The following ARL15 variants were observed in gnomAD, a reference collection of about 807,000 sequenced individuals.
The protein encoded by ARL15 is ARF like GTPase 15.
ARL15 carries 19 observed loss-of-function variants against 25.2 expected under a neutral mutation model. The observed-to-expected ratio is 0.75, with a 90% confidence interval of 0.53 to 1.10. The LOEUF (loss-of-function observed/expected upper bound fraction) is 1.10. Ranked by LOEUF, ARL15 falls within the 50% of genes least tolerant of loss-of-function variation. The pLI is 0.00. For missense variants in ARL15, 220 were observed against 246.0 expected (o/e 0.89, Z 0.71); for synonymous variants, 94 against 86.8 (o/e 1.08, Z -0.46).
At chr5:54,001,329 C>T (rs182231087) in intron 4 of ARL15, among the ~76,000 whole-genome samples, 1 of 152,300 alleles carries the variant, frequency 6.6e-6, no homozygotes, top group East Asian at 1.9e-4. Flanking sequence ...ATCCTAGTGC[C>T]TAACAGAGTG....
At chr5:54,181,520 C>A (rs1295435024) in intron 1 of ARL15, among the ~76,000 whole-genome samples, 1 of 152,128 alleles carries the variant, frequency 6.6e-6, no homozygotes, top group African/African-American at 2.4e-5. Flanking sequence ...ATTACCTGAA[C>A]AGAACATTTC....
rs190766071 is a variant in ARL15 at position 54,303,167 on chromosome 5, G to C, written c.48+7265C>G. 1.3e-4 allele frequency among the ~76,000 whole-genome samples: 20 copies of C among 152,158 alleles called. 1 individual carries two copies. The highest frequency in any genetic ancestry group is 4.8e-4 in the African/African-American group (20 of 41,514). On this transcript the variant is annotated intron_variant, in intron 1 of 4. Transcript: ENST00000504924. The stretch of plus-strand genomic sequence containing the variant: ...CTGCTTATGGCCTAGTATCTATTGG[G>C]AACAGCTGACTTCCCAGGCAGTGCG...
chr5:54,190,949 T>G (rs1029703515), intron 1 of ARL15, among the ~76,000 whole-genome samples: 1 of 152,180 alleles, frequency 6.6e-6, no homozygotes, highest in African/African-American at 2.4e-5. Flanking sequence ...AATAATGCCA[T>G]GTCTGGATAT....
At chr5:53,984,010 C>T (rs1028269073) in intron 4 of ARL15, among the ~76,000 whole-genome samples, 2 of 152,312 alleles carry the variant, frequency 1.3e-5, no homozygotes, top group African/African-American at 4.8e-5. Context: ...AAGGTCCACC[C>T]GGGCTATGTG....
chr5:53,890,385 A>G (rs1479429727), intron 4 of ARL15, among the ~76,000 whole-genome samples: 1 of 152,206 alleles, frequency 6.6e-6, no homozygotes, highest in Non-Finnish European at 1.5e-5. Flanking sequence ...CAATTTTTTA[A>G]GGCCATTTAC....
At chr5:54,209,754 A>G (rs1755984264) in intron 1 of ARL15, among the ~76,000 whole-genome samples, 1 of 152,100 alleles carries the variant, frequency 6.6e-6, no homozygotes, top group East Asian at 1.9e-4. Context: ...GACATGCTGT[A>G]TAAAGAGACT....
At chr5:53,899,693 T>C (rs72763132) in intron 4 of ARL15, among the ~76,000 whole-genome samples, 13,544 of 152,252 alleles carry the variant, frequency 0.089, 748 homozygotes, top group Non-Finnish European at 0.13. Flanking sequence ...TTTCCTTGTT[T>C]TCTTATCTAG....
chr5:54,092,073 C>CACACACACACACACACACACA lies in ARL15; in HGVS notation c.462+21128_462+21129insTGTGTGTGTGTGTGTGTGTGT, dbSNP rs143647206. Among the ~76,000 whole-genome samples the CACACACACACACACACACACA allele has an allele frequency of 8.7e-3, 1,309 of 149,646 alleles. 4 individuals are homozygous for CACACACACACACACACACACA. Among genetic ancestry groups the CACACACACACACACACACACA allele is most frequent in the Non-Finnish European group, 0.014 (911 of 67,238 alleles). On this transcript the variant is annotated intron_variant, in intron 4 of 4. Transcript: ENST00000504924. ...ACACACACACACACACACACACACA[C>CACACACACACACACACACACA]CACCACCACCACCACCATCACCAGG... is the stretch of plus-strand genomic sequence containing the variant.
In ARL15 at chr5:54,193,057, C is replaced by T. The variant is rs117134463; in HGVS notation, c.49-21129G>A. On this transcript the variant is annotated intron_variant, in intron 1 of 4. Transcript: ENST00000504924. Reference sequence around the variant, plus strand: ...CTTCTGAATCCCATATCTGCTTCAACGTCCTGCTCTGGAGAGCCAAACTAG... The same window carrying T: ...CTTCTGAATCCCATATCTGCTTCAATGTCCTGCTCTGGAGAGCCAAACTAG... Among the ~76,000 whole-genome samples, 59 of 152,302 alleles carry T rather than the reference C, an allele frequency of 3.9e-4. 2 individuals carry two copies. The East Asian group carries it at 9.1e-3, about 23-fold the overall frequency.
chr5:54,025,969 G>A lies in ARL15; in HGVS notation c.462+87233C>T, dbSNP rs377036601. The stretch of plus-strand genomic sequence containing the variant: ...ATAATAGCCTCTACCAAGAAGCAGA[G>A]GGCTTGATGGGATAATTTCTAAAAA... On this transcript the variant is annotated intron_variant, in intron 4 of 4. Coordinates refer to ENST00000504924, the MANE Select transcript of ARL15 (RefSeq NM_019087.3). 2.0e-5 allele frequency among the ~76,000 whole-genome samples: 3 copies of A among 152,244 alleles called. No homozygotes were observed. In the East Asian group the frequency reaches 5.8e-4, roughly 29 times the overall value.
intron 3 of ARL15, among the ~76,000 whole-genome samples, chr5:54,122,300 A>G (rs1753104371): frequency 6.6e-6 from 1 of 152,240 alleles, no homozygotes; most frequent in East Asian, 1.9e-4. Flanking sequence ...ATGTTCTTTC[A>G]GTACAGGTGT....
intron 4 of ARL15, among the ~76,000 whole-genome samples, chr5:54,066,494 C>T (rs1751237588): frequency 6.6e-6 from 1 of 152,092 alleles, no homozygotes; most frequent in African/African-American, 2.4e-5. Flanking sequence ...GTAAAAGGAT[C>T]TATATATCAT....
chr5:54,281,322 T>C (rs1195253181), intron 1 of ARL15, among the ~76,000 whole-genome samples: 1 of 152,054 alleles, frequency 6.6e-6, no homozygotes, highest in Non-Finnish European at 1.5e-5. Flanking sequence ...GTATTTTTGG[T>C]AGAGACAGGG....
intron 3 of ARL15, among the ~76,000 whole-genome samples, chr5:54,142,468 T>C (rs1396855491): frequency 6.6e-6 from 1 of 152,050 alleles, no homozygotes; most frequent in Non-Finnish European, 1.5e-5. Context: ...AAAGTAAAGA[T>C]CAGTCAGAAA....
chr5:54,043,205 CT>C (rs34940501), intron 4 of ARL15, among the ~76,000 whole-genome samples: 101,851 of 149,904 alleles, frequency 0.68, 34,568 homozygotes, highest in East Asian at 0.85. Flanking sequence ...ACACATGCCT[CT>C]TTTTTTTTTT....
chr5:53,961,411 T>C (rs952593877), intron 4 of ARL15, among the ~76,000 whole-genome samples: 15 of 148,626 alleles, frequency 1.0e-4, no homozygotes, highest in Non-Finnish European at 4.4e-5. Flanking sequence ...GGCAGGAGAA[T>C]TGCTTGAGCC....
At chr5:53,902,494 T>C (rs1416622348) in intron 4 of ARL15, among the ~76,000 whole-genome samples, 2 of 152,240 alleles carry the variant, frequency 1.3e-5, no homozygotes, top group Admixed American at 1.3e-4. Flanking sequence ...ATATGTCCCC[T>C]GTCTCAATCT....
chr5:53,972,326 A>G (rs1747781272), intron 4 of ARL15, among the ~76,000 whole-genome samples: 1 of 152,194 alleles, frequency 6.6e-6, no homozygotes, highest in African/African-American at 2.4e-5. Flanking sequence ...ATTTTGGATC[A>G]TATTTTCAAT....
intron 4 of ARL15, among the ~76,000 whole-genome samples, chr5:54,004,911 T>C (rs986168565): frequency 1.3e-5 from 2 of 152,176 alleles, no homozygotes; most frequent in African/African-American, 4.8e-5. Flanking sequence ...GCATATTATG[T>C]TTTCTGCTAA....
Sources: allele counts gnomAD v4.1 joint callset (sites outside exome capture counted in the v4.1 genomes callset), GRCh38; gene constraint gnomAD v4.1.1; transcripts MANE v1.5; gene names NCBI Gene and HGNC (gene_info 2026-07-23, HGNC 2026-07-21).